Variants in NTRK3 observed in about 807,000 individuals in gnomAD.
The protein encoded by NTRK3 is NT-3 growth factor receptor.
In NTRK3, 24 loss-of-function variants were observed where a neutral mutation model predicts 91.7. The ratio of observed to expected loss-of-function variants is 0.26; its 90% CI spans 0.19 to 0.37. The LOEUF is 0.37. NTRK3 is among the 10% of genes least tolerant of loss of function. NTRK3 has a pLI of 1.00. For synonymous variants in NTRK3, 483 were observed against 404.0 expected, an observed-to-expected ratio of 1.20 and a Z score of -2.34; for missense variants, 880 against 1,068.9, an observed-to-expected ratio of 0.82 and a Z score of 2.46.
At chr15:87,865,395 A>T (rs182609070) in exon 19 of NTRK3, 37 of 213,052 alleles carry the variant, frequency 1.7e-4, no homozygotes, top group African/African-American at 5.4e-4. Context: ...TGGCCTCAGG[A>T]TTCATTATCA....
chr15:88,004,019 G>A (rs2076304672), intron 14 of NTRK3, among the ~76,000 whole-genome samples: 1 of 152,108 alleles, frequency 6.6e-6, no homozygotes, highest in South Asian at 2.1e-4. Flanking sequence ...ACAGGACAAT[G>A]AGCCTCTCTC....
At chr15:88,147,236 G>A in intron 6 of NTRK3, 99 bp downstream of exon 6, 1 of 1,107,016 alleles carries the variant, frequency 9.0e-7, no homozygotes, top group South Asian at 1.3e-5. Context: ...TCGAGTAGAT[G>A]TATGCTCAGC....
chr15:87,877,665 C>G (rs1200004004), intron 18 of NTRK3, among the ~76,000 whole-genome samples: 4 of 152,116 alleles, frequency 2.6e-5, no homozygotes, highest in African/African-American at 2.4e-5. Context: ...ACATAGGACC[C>G]TTTTGCAGCA....
chr15:87,993,956 C>A (rs781344561), intron 14 of NTRK3, among the ~76,000 whole-genome samples: 1 of 152,166 alleles, frequency 6.6e-6, no homozygotes, highest in African/African-American at 2.4e-5. Context: ...AAATATCAAT[C>A]TTCCAGGAGC....
intron 14 of NTRK3, among the ~76,000 whole-genome samples, chr15:88,025,349 A>G (rs774575038): frequency 6.6e-6 from 1 of 152,258 alleles, no homozygotes; most frequent in African/African-American, 2.4e-5. Flanking sequence ...AATTGCCCAA[A>G]AGAGGAAGCA....
rs375436622 is a variant in NTRK3 at position 87,913,240 on chromosome 15, T to C, written c.2133+15951A>G. Among the ~76,000 whole-genome samples, 89 of 152,036 alleles carry C rather than the reference T, an allele frequency of 5.9e-4. 1 individual carries two copies. The South Asian group carries it at 0.018, about 31-fold the overall frequency. ...AGTCTCATTTATGTGATGGGGAAAT[T>C]AGCCCCAGTAAAGCAGATCCGCCTG... On this transcript the variant is annotated intron_variant, in intron 17 of 18. Transcript: ENST00000394480.
intron 14 of NTRK3, among the ~76,000 whole-genome samples, chr15:87,944,260 T>C (rs1170098226): frequency 6.6e-6 from 1 of 152,138 alleles, no homozygotes. Context: ...GCCAAACACA[T>C]AAGGCAAATC....
At chr15:88,221,305 G>C (rs1692097589) in intron 3 of NTRK3, among the ~76,000 whole-genome samples, 1 of 152,142 alleles carries the variant, frequency 6.6e-6, no homozygotes, top group African/African-American at 2.4e-5. Flanking sequence ...TGGACAACTT[G>C]AATCCTAGCT....
intron 14 of NTRK3, among the ~76,000 whole-genome samples, chr15:88,017,533 A>G (rs573982564): frequency 6.6e-6 from 1 of 152,356 alleles, no homozygotes; most frequent in East Asian, 1.9e-4. Flanking sequence ...TGATGTCTCC[A>G]TCTCACCTTA....
chr15:87,993,927 A>C (rs1423106559), intron 14 of NTRK3, among the ~76,000 whole-genome samples: 1 of 152,228 alleles, frequency 6.6e-6, no homozygotes, highest in Non-Finnish European at 1.5e-5. Context: ...CTTACCTAAA[A>C]ATAATTTTGC....
rs867217410 is a variant in NTRK3, at chr15:88,055,357, T to C, written c.1397-22312A>G. The stretch of plus-strand genomic sequence containing the variant: ...GCCACTGGTGAATCATTGGCAGTTC[T>C]AGGAGAAAAAGCACTTCCCAATTTT... On this transcript the variant is annotated intron_variant, in intron 13 of 18. Transcript: ENST00000394480. Among the ~76,000 whole-genome samples, 137 of 152,350 alleles carry C rather than the reference T, an allele frequency of 9.0e-4. 1 individual carries two copies. Among genetic ancestry groups the C allele is most frequent in the African/African-American group, 3.1e-3 (131 of 41,598 alleles).
At chr15:87,896,901 G>A (rs1425742199) in intron 17 of NTRK3, among the ~76,000 whole-genome samples, 1 of 152,166 alleles carries the variant, frequency 6.6e-6, no homozygotes, top group Admixed American at 6.5e-5. Flanking sequence ...GCTTCTTAGA[G>A]ACAAACTGAA....
intron 6 of NTRK3, among the ~76,000 whole-genome samples, chr15:88,146,711 T>C (rs1418945616): frequency 6.6e-6 from 1 of 152,140 alleles, no homozygotes; most frequent in Non-Finnish European, 1.5e-5. Context: ...CACATGCAGA[T>C]TGAAAAAATA....
At chr15:88,068,150 G>A (rs978028482) in intron 13 of NTRK3, among the ~76,000 whole-genome samples, 1 of 152,190 alleles carries the variant, frequency 6.6e-6, no homozygotes, top group Non-Finnish European at 1.5e-5. Context: ...TAAGGTTTAT[G>A]GCCAGGTGCA....
At chr15:87,994,523 C>T (rs1438010798) in intron 14 of NTRK3, among the ~76,000 whole-genome samples, 1 of 152,180 alleles carries the variant, frequency 6.6e-6, no homozygotes, top group Admixed American at 6.5e-5. Flanking sequence ...GGGCCTGGAA[C>T]AGATCCTTCC....
At chr15:88,044,202 A>G (rs1330569555) in intron 13 of NTRK3, among the ~76,000 whole-genome samples, 1 of 151,280 alleles carries the variant, frequency 6.6e-6, no homozygotes, top group Non-Finnish European at 1.5e-5. Context: ...CTAAGGTCAC[A>G]CAGCTAGTAG....
intron 6 of NTRK3, among the ~76,000 whole-genome samples, chr15:88,138,662 C>T (rs976864823): frequency 1.3e-5 from 2 of 152,204 alleles, no homozygotes; most frequent in Non-Finnish European, 2.9e-5. Context: ...CCACTGCCTG[C>T]CAAGCTCTTA....
At chr15:87,985,960 T>C (rs1281461629) in intron 14 of NTRK3, among the ~76,000 whole-genome samples, 1 of 152,100 alleles carries the variant, frequency 6.6e-6, no homozygotes, top group Non-Finnish European at 1.5e-5. Flanking sequence ...AGGAGTGAAA[T>C]GTTAGTCCCC....
At chr15:88,174,878 CA>C (rs2045856835) in intron 5 of NTRK3, among the ~76,000 whole-genome samples, 1 of 152,232 alleles carries the variant, frequency 6.6e-6, no homozygotes, top group Non-Finnish European at 1.5e-5. Flanking sequence ...GCCGTTTCTG[CA>C]ATCTGTCAAA....
Sources: allele counts gnomAD v4.1 joint callset (sites outside exome capture counted in the v4.1 genomes callset), GRCh38; gene constraint gnomAD v4.1.1; transcripts MANE v1.5; gene names NCBI Gene and HGNC (gene_info 2026-07-23, HGNC 2026-07-21).